The following CLASP1 variants were observed in gnomAD, a reference collection of about 807,000 sequenced individuals.
CLASP1 encodes CLIP-associating protein 1.
A neutral mutation model predicts 192.3 loss-of-function variants in CLASP1; 38 were observed. That is an observed-to-expected ratio of 0.20 (90% CI 0.15 to 0.26). The LOEUF is 0.26. Ranked by LOEUF, CLASP1 falls within the 10% of genes least tolerant of loss-of-function variation. The probability of loss-of-function intolerance (pLI) is 1.00; values close to 1 mark genes in which losing one functional copy is unlikely to be tolerated. For missense variants in CLASP1, 1,433 were observed against 1,932.5 expected, an observed-to-expected ratio of 0.74 and a Z score of 4.85; for synonymous variants, 691 against 712.8, an observed-to-expected ratio of 0.97 and a Z score of 0.49.
chr2:121,603,864 A>T (rs1295493536), intron 2 of CLASP1, among the ~76,000 whole-genome samples: 2 of 152,228 alleles, frequency 1.3e-5, no homozygotes, highest in Non-Finnish European at 2.9e-5. Flanking sequence ...AAGCTAAATA[A>T]CAGTTAATCT....
chr2:121,547,959 A>T (rs1294385793), intron 2 of CLASP1, among the ~76,000 whole-genome samples: 1 of 152,234 alleles, frequency 6.6e-6, no homozygotes, highest in Non-Finnish European at 1.5e-5. Context: ...AGTTAAAGGA[A>T]CACCCAGACT....
intron 39 of CLASP1, among the ~76,000 whole-genome samples, chr2:121,345,570 G>A (rs2063344531): frequency 6.6e-6 from 1 of 152,184 alleles, no homozygotes; most frequent in Admixed American, 6.5e-5. Flanking sequence ...CCTGATGGAG[G>A]TAGGAGAGCT....
At chr2:121,531,079 T>TG (rs2094831628) in intron 2 of CLASP1, 5 of 686,822 alleles carry the variant, frequency 7.3e-6, no homozygotes, top group South Asian at 3.0e-5. Flanking sequence ...ACTTTGTGGT[T>TG]AAACCAGTAG....
At chr2:121,585,237 T>C (rs2061588544) in intron 2 of CLASP1, among the ~76,000 whole-genome samples, 1 of 152,204 alleles carries the variant, frequency 6.6e-6, no homozygotes, top group Admixed American at 6.5e-5. Flanking sequence ...GGAGTCACCT[T>C]CAAATAAAAG....
chr2:121,497,555 A>G (rs2150200227), intron 8 of CLASP1, among the ~76,000 whole-genome samples: 1 of 152,346 alleles, frequency 6.6e-6, no homozygotes, highest in Admixed American at 6.5e-5. Context: ...ATAGCCACGG[A>G]TATGTGTAAC....
At chr2:121,494,953 C>T (rs528883448) in intron 8 of CLASP1, among the ~76,000 whole-genome samples, 5 of 152,078 alleles carry the variant, frequency 3.3e-5, no homozygotes, top group South Asian at 2.1e-4. Context: ...ACCTGGGAGG[C>T]GGAGGTAACA....
chr2:121,433,941 A>T lies in CLASP1; in HGVS notation c.1913-3764T>A, dbSNP rs530662629. Among the ~76,000 whole-genome samples, 51 of 150,934 alleles carry T rather than the reference A, an allele frequency of 3.4e-4. 2 individuals carry two copies. The South Asian group carries it at 7.3e-3, about 22-fold the overall frequency. On this transcript the variant is annotated intron_variant, in intron 19 of 39. Coordinates refer to ENST00000263710, the Ensembl canonical transcript of CLASP1. ...GGAATTACCTAATGTTTTTATTATT[A>T]TTTTTTTTTGCATCTCCACTGATAA...
chr2:121,442,535 G>A (rs2083524648), intron 19 of CLASP1, among the ~76,000 whole-genome samples: 2 of 150,780 alleles, frequency 1.3e-5, no homozygotes, highest in African/African-American at 2.4e-5. Context: ...GGAGTGCAAT[G>A]AAGGCATAAT....
At chr2:121,404,411 C>T in exon 26 of CLASP1, 1 of 1,612,042 alleles carries the variant, frequency 6.2e-7, no homozygotes, top group Non-Finnish European at 8.5e-7. Flanking sequence ...GAAGATCTCA[C>T]ACAACCTTTT....
At chr2:121,547,911 A>G (rs1216114842) in intron 2 of CLASP1, among the ~76,000 whole-genome samples, 1 of 148,348 alleles carries the variant, frequency 6.7e-6, no homozygotes, top group Non-Finnish European at 1.5e-5. Context: ...GAAAACATCC[A>G]GCAAATCAGT....
rs895676856 is a variant in CLASP1 at position 121,560,406 on chromosome 2, T to C, written c.196-30081A>G. On this transcript the variant is annotated intron_variant, in intron 2 of 39. Transcript: ENST00000263710. Reference sequence around the variant, plus strand: ...GGATTTTCACCTTGGGCTTCACATGTGTGTATTAAGGAATTTTCACAACAG... The same window carrying C: ...GGATTTTCACCTTGGGCTTCACATGCGTGTATTAAGGAATTTTCACAACAG... Among the ~76,000 whole-genome samples, 24 of 152,358 alleles carry C rather than the reference T, an allele frequency of 1.6e-4. 1 individual carries two copies. The highest frequency in any genetic ancestry group is 5.8e-4 in the African/African-American group (24 of 41,594).
intron 1 of CLASP1, among the ~76,000 whole-genome samples, chr2:121,613,846 A>G (rs2066011695): frequency 6.6e-6 from 1 of 152,210 alleles, no homozygotes; most frequent in African/African-American, 2.4e-5. Context: ...TAATGAATTA[A>G]TATTTCCCAT....
At chr2:121,357,705 A>C (rs1313419835) in intron 37 of CLASP1, among the ~76,000 whole-genome samples, 3 of 152,166 alleles carry the variant, frequency 2.0e-5, no homozygotes, top group Admixed American at 2.0e-4. Context: ...AGAAATAGAC[A>C]CTGTGCCTGG....
intron 37 of CLASP1, among the ~76,000 whole-genome samples, chr2:121,362,013 C>T (rs577661850): frequency 6.6e-6 from 1 of 152,336 alleles, no homozygotes; most frequent in African/African-American, 2.4e-5. Flanking sequence ...AGTCACTGCT[C>T]AAGCAGTCAC....
intron 2 of CLASP1, among the ~76,000 whole-genome samples, chr2:121,574,652 A>C (rs10167030): frequency 7.9e-5 from 11 of 138,712 alleles, no homozygotes; most frequent in Non-Finnish European, 1.5e-4. Flanking sequence ...AAAAAAAAAA[A>C]CAAAAACCGG....
chr2:121,574,757 T>G (rs1298873311), intron 2 of CLASP1, among the ~76,000 whole-genome samples: 2 of 151,854 alleles, frequency 1.3e-5, no homozygotes, highest in African/African-American at 4.8e-5. Flanking sequence ...GCCAACATGA[T>G]GAAACCCTGT....
At chr2:121,569,375 G>C (rs146849865) in intron 2 of CLASP1, among the ~76,000 whole-genome samples, 15 of 152,320 alleles carry the variant, frequency 9.8e-5, no homozygotes, top group South Asian at 6.2e-4. Context: ...CAGAGATCAG[G>C]GCGGCTGGAG....
chr2:121,342,123 G>A (rs1057159868), intron 39 of CLASP1, among the ~76,000 whole-genome samples: 1 of 151,698 alleles, frequency 6.6e-6, no homozygotes, highest in Non-Finnish European at 1.5e-5. Flanking sequence ...TTTAAAAAAA[G>A]AATTTTTTTT....
intron 14 of CLASP1, among the ~76,000 whole-genome samples, chr2:121,453,553 C>T (rs556454949): frequency 7.2e-4 from 110 of 152,286 alleles, no homozygotes; most frequent in African/African-American, 2.6e-3. Context: ...CTCACCATCA[C>T]CCTCCCCATT....
Sources: gnomAD v4.1 joint callset for allele counts (sites outside exome capture counted in the v4.1 genomes callset) on GRCh38, gnomAD v4.1.1 for gene constraint, MANE v1.5 for transcripts, NCBI Gene and HGNC (gene_info 2026-07-23, HGNC 2026-07-21) for gene names.